Variants in RBFOX1 observed in about 807,000 individuals in gnomAD.
The protein encoded by RBFOX1 is RNA binding fox-1 homolog 1.
RBFOX1 carries 8 observed loss-of-function variants against 57.7 expected under a neutral mutation model. The observed-to-expected ratio is 0.14, with a 90% CI of 0.08 to 0.25. RBFOX1 has a LOEUF of 0.25. Ranked by LOEUF, RBFOX1 falls within the 10% of genes least tolerant of loss-of-function variation. The pLI is 1.00. For missense variants in RBFOX1, 611 were observed against 548.5 expected (o/e 1.11, Z -1.14); for synonymous variants, 326 against 222.4 (o/e 1.47, Z -4.15).
intron 4 of RBFOX1, among the ~76,000 whole-genome samples, chr16:7,508,237 C>G (rs779213910): frequency 1.3e-5 from 2 of 152,108 alleles, no homozygotes; most frequent in African/African-American, 4.8e-5. Flanking sequence ...CTCGGCCTTC[C>G]TAAGTGCTGG....
At chr16:6,393,685 A>G (rs1315551192) in intron 2 of RBFOX1, among the ~76,000 whole-genome samples, 1 of 152,124 alleles carries the variant, frequency 6.6e-6, no homozygotes, top group East Asian at 1.9e-4. Context: ...ACCCCACATT[A>G]TCTCTGCTGA....
chr16:7,621,154 A>T (rs2142024918), intron 10 of RBFOX1, among the ~76,000 whole-genome samples: 2 of 152,290 alleles, frequency 1.3e-5, no homozygotes, highest in Middle Eastern at 3.4e-3. Context: ...ATATATTGAC[A>T]CCTATAACTT....
At chr16:6,861,083 A>G (rs1172860628) in intron 3 of RBFOX1, among the ~76,000 whole-genome samples, 3 of 152,024 alleles carry the variant, frequency 2.0e-5, no homozygotes, top group Non-Finnish European at 4.4e-5. Flanking sequence ...ATTCCATTAT[A>G]TTTGTTATAT....
At chr16:6,540,368 C>G (rs958339052) in intron 2 of RBFOX1, among the ~76,000 whole-genome samples, 9 of 151,414 alleles carry the variant, frequency 5.9e-5, no homozygotes, top group Non-Finnish European at 1.2e-4. Flanking sequence ...AATCCCAGCA[C>G]TTTGGGAGGC....
At chr16:6,224,188 C>CT (rs919510898) in intron 1 of RBFOX1, among the ~76,000 whole-genome samples, 7 of 149,746 alleles carry the variant, frequency 4.7e-5, no homozygotes, top group Admixed American at 3.3e-4. Flanking sequence ...GATGAGGGCT[C>CT]TTTTTTGGTT....
At chr16:5,937,094 C>G (rs1422869625) in intron 4 of RBFOX1, among the ~76,000 whole-genome samples, 2 of 151,962 alleles carry the variant, frequency 1.3e-5, no homozygotes, top group Non-Finnish European at 2.9e-5. Flanking sequence ...GGGCTAAAGT[C>G]TAGTGTGGAT....
At chr16:5,976,604 C>G (rs1228578719) in intron 4 of RBFOX1, among the ~76,000 whole-genome samples, 1 of 152,198 alleles carries the variant, frequency 6.6e-6, no homozygotes, top group Non-Finnish European at 1.5e-5. Flanking sequence ...CACAGTGGCT[C>G]ATACCTGCAG....
At chr16:5,830,302 A>G (rs1334587188) in intron 3 of RBFOX1, among the ~76,000 whole-genome samples, 1 of 152,044 alleles carries the variant, frequency 6.6e-6, no homozygotes, top group African/African-American at 2.4e-5. Flanking sequence ...ATTTTAGCCC[A>G]GCATAGGCAA....
chr16:5,427,599 C>T (rs985648680), intron 1 of RBFOX1, among the ~76,000 whole-genome samples: 1 of 143,722 alleles, frequency 7.0e-6, no homozygotes, highest in Non-Finnish European at 1.5e-5. Flanking sequence ...CAAAACAAAA[C>T]AAAACAAAAC....
intron 4 of RBFOX1, among the ~76,000 whole-genome samples, chr16:7,502,287 G>A (rs1050461828): frequency 4.6e-5 from 7 of 151,822 alleles, no homozygotes; most frequent in Admixed American, 6.5e-5. Flanking sequence ...AGAAAAAGAG[G>A]GAACCATTAA....
At chr16:6,860,538 G>C (rs1382327716) in intron 3 of RBFOX1, among the ~76,000 whole-genome samples, 1 of 152,186 alleles carries the variant, frequency 6.6e-6, no homozygotes, top group Non-Finnish European at 1.5e-5. Context: ...GATGCATGTA[G>C]TTTTGAGATA....
intron 3 of RBFOX1, among the ~76,000 whole-genome samples, chr16:5,673,448 C>T (rs144791939): frequency 2.6e-5 from 4 of 152,302 alleles, no homozygotes; most frequent in African/African-American, 9.6e-5. Flanking sequence ...GGATTTCCTT[C>T]CTCTCTCTGG....
chr16:7,367,883 C>T (rs1568448191), intron 4 of RBFOX1, among the ~76,000 whole-genome samples: 1 of 85,028 alleles, frequency 1.2e-5, no homozygotes, highest in Non-Finnish European at 2.3e-5. Flanking sequence ...CACATGCGTG[C>T]ATACACACAC....
intron 4 of RBFOX1, among the ~76,000 whole-genome samples, chr16:7,488,726 C>A (rs546276807): frequency 1.9e-4 from 29 of 152,262 alleles, no homozygotes; most frequent in African/African-American, 6.0e-4. Flanking sequence ...ATACATTCAT[C>A]TATTATCCAC....
intron 4 of RBFOX1, among the ~76,000 whole-genome samples, chr16:5,872,638 A>T (rs957350209): frequency 1.3e-5 from 2 of 152,066 alleles, no homozygotes; most frequent in Admixed American, 6.5e-5. Context: ...CAGGAGGCTG[A>T]GGTGGGAGGG....
At chr16:6,600,775 C>T (rs1209159993) in intron 2 of RBFOX1, among the ~76,000 whole-genome samples, 1 of 152,022 alleles carries the variant, frequency 6.6e-6, no homozygotes, top group Admixed American at 6.6e-5. Flanking sequence ...AAGATTATAT[C>T]CTTTTATGTG....
chr16:5,983,243 T>C (rs1244336060), intron 4 of RBFOX1, among the ~76,000 whole-genome samples: 5 of 152,128 alleles, frequency 3.3e-5, no homozygotes, highest in African/African-American at 4.8e-5. Context: ...GGCAGATCCA[T>C]TGTGTGCGCC....
chr16:6,181,788 A>G (rs1329331845), intron 1 of RBFOX1, among the ~76,000 whole-genome samples: 1 of 152,176 alleles, frequency 6.6e-6, no homozygotes, highest in African/African-American at 2.4e-5. Flanking sequence ...TTGACCCACA[A>G]AATCTCAGTG....
chr16:6,724,025 T>A (rs1350293681), intron 3 of RBFOX1: 1 of 152,092 alleles, frequency 6.6e-6, no homozygotes, highest in Non-Finnish European at 1.5e-5. Context: ...TCTACTATGG[T>A]CTGAATATTT....
Sources: gnomAD v4.1 joint callset for allele counts (sites outside exome capture counted in the v4.1 genomes callset) on GRCh38, gnomAD v4.1.1 for gene constraint, MANE v1.5 for transcripts, NCBI Gene and HGNC (gene_info 2026-07-23, HGNC 2026-07-21) for gene names.